STON2: variants seen among roughly 807,000 people sequenced by gnomAD.
The protein encoded by STON2 is stonin-2.
Under a neutral mutation model 65.7 loss-of-function variants are expected in STON2, and 29 were observed. That is an observed-to-expected ratio of 0.44 (90% CI 0.33 to 0.60). The LOEUF is 0.60. Among genes scored for constraint, STON2 ranks in the 20% least tolerant of loss-of-function variants. The pLI is 0.03. For missense variants in STON2, 1,054 were observed against 1,118.1 expected (o/e 0.94, Z 0.82); for synonymous variants, 404 against 414.2 (o/e 0.98, Z 0.30).
intron 2 of STON2, among the ~76,000 whole-genome samples, chr14:81,420,857 A>T (rs1021042598): frequency 1.3e-5 from 2 of 152,172 alleles, no homozygotes; most frequent in Non-Finnish European, 2.9e-5. Flanking sequence ...TTGCTATCAA[A>T]GGGTGTATGC....
At chr14:81,310,524 G>A (rs917011881) in intron 5 of STON2, among the ~76,000 whole-genome samples, 4 of 152,306 alleles carry the variant, frequency 2.6e-5, no homozygotes, top group Admixed American at 1.3e-4. Flanking sequence ...TAAGGTTTAC[G>A]TAAGACTGAG....
At chr14:81,403,118 A>G (rs1183489248), upstream of STON2, among the ~76,000 whole-genome samples, 1 of 152,208 alleles carries the variant, frequency 6.6e-6, no homozygotes, top group African/African-American at 2.4e-5. Flanking sequence ...ATTCCTGATG[A>G]ACTGAGTTAT....
intron 3 of STON2, among the ~76,000 whole-genome samples, chr14:81,381,859 A>G (rs1274328606): frequency 6.6e-6 from 1 of 152,172 alleles, no homozygotes; most frequent in Non-Finnish European, 1.5e-5. Flanking sequence ...GTTCACCAGG[A>G]TACACGTTAA....
intron 6 of STON2, among the ~76,000 whole-genome samples, chr14:81,272,501 G>A (rs943325710): frequency 1.3e-5 from 2 of 152,150 alleles, no homozygotes; most frequent in African/African-American, 2.4e-5. Context: ...GTCTGGCTAG[G>A]ACTTTTCAAT....
At chr14:81,393,379 G>A (rs946097218) in intron 3 of STON2, among the ~76,000 whole-genome samples, 3 of 152,124 alleles carry the variant, frequency 2.0e-5, no homozygotes, top group Non-Finnish European at 2.9e-5. Context: ...ACTGCCTCCT[G>A]GGTAATGAGG....
At chr14:81,388,407 C>T (rs1211766231) in intron 3 of STON2, among the ~76,000 whole-genome samples, 1 of 152,228 alleles carries the variant, frequency 6.6e-6, no homozygotes, top group Admixed American at 6.5e-5. Flanking sequence ...TTCCTACCAG[C>T]TGTTGCTCCT....
chr14:81,281,750 AAAT>A (rs1895131726), intron 5 of STON2, among the ~76,000 whole-genome samples: 1 of 152,262 alleles, frequency 6.6e-6, no homozygotes, highest in Non-Finnish European at 1.5e-5. Context: ...AAGTTAGTTT[AAAT>A]CACGCCAAGT....
chr14:81,428,600 G>A (rs1902094884), intron 1 of STON2, among the ~76,000 whole-genome samples: 1 of 152,150 alleles, frequency 6.6e-6, no homozygotes, highest in South Asian at 2.1e-4. Flanking sequence ...GCACACACCT[G>A]TAGTCCCAGC....
chr14:81,419,414 T>G (rs1255843145), intron 2 of STON2, among the ~76,000 whole-genome samples: 1 of 152,150 alleles, frequency 6.6e-6, no homozygotes, highest in East Asian at 1.9e-4. Flanking sequence ...ACATAAAAGT[T>G]TATATATATA....
intron 3 of STON2, among the ~76,000 whole-genome samples, chr14:81,381,269 ACTTTGGAGTAGAGAAATATTTT>A (rs529792642): frequency 2.2e-3 from 330 of 152,336 alleles, no homozygotes; most frequent in African/African-American, 7.7e-3. Flanking sequence ...TGCATTCATG[ACTTTGGAGTAGAGAAATATTTT>A]CTTTACCAAG....
intron 5 of STON2, among the ~76,000 whole-genome samples, chr14:81,321,811 G>A (rs1008081623): frequency 3.3e-5 from 5 of 152,044 alleles, no homozygotes; most frequent in Non-Finnish European, 7.4e-5. Context: ...AGGATTCTGG[G>A]AGCAACCAAC....
At chr14:81,335,004 A>AT (rs199804587) in intron 4 of STON2, among the ~76,000 whole-genome samples, 14 of 112,724 alleles carry the variant, frequency 1.2e-4, no homozygotes, top group South Asian at 1.1e-3. Flanking sequence ...CGCCTGGCTA[A>AT]TTTTTTTTTT....
At chr14:81,298,297 G>T (rs941782556) in intron 5 of STON2, among the ~76,000 whole-genome samples, 3 of 151,926 alleles carry the variant, frequency 2.0e-5, no homozygotes, top group Non-Finnish European at 2.9e-5. Flanking sequence ...AAGCACAGCA[G>T]CTGGAAATAA....
chr14:81,325,024 C>T (rs1896957815), intron 4 of STON2, among the ~76,000 whole-genome samples: 1 of 152,158 alleles, frequency 6.6e-6, no homozygotes, highest in Non-Finnish European at 1.5e-5. Flanking sequence ...GAACTTGGCT[C>T]ATGCTGGGCC....
chr14:81,299,850 T>A (rs1373141410), intron 5 of STON2, among the ~76,000 whole-genome samples: 2 of 151,568 alleles, frequency 1.3e-5, no homozygotes, highest in African/African-American at 4.8e-5. Flanking sequence ...TGTTCATGGA[T>A]TTGAAAACTC....
intron 5 of STON2, among the ~76,000 whole-genome samples, chr14:81,293,078 T>C (rs1895621601): frequency 6.6e-6 from 1 of 152,042 alleles, no homozygotes; most frequent in Admixed American, 6.5e-5. Context: ...TTGGAAATCT[T>C]AAATGGACTG....
intron 2 of STON2, among the ~76,000 whole-genome samples, chr14:81,416,079 G>A (rs570171976): frequency 6.6e-6 from 1 of 152,290 alleles, no homozygotes; most frequent in Non-Finnish European, 1.5e-5. Flanking sequence ...AGCTCTTCGG[G>A]CAGCAGGCCA....
chr14:81,301,762 G>A (rs895991862), intron 5 of STON2, among the ~76,000 whole-genome samples: 2 of 152,158 alleles, frequency 1.3e-5, no homozygotes, highest in African/African-American at 4.8e-5. Context: ...TACATGTAAA[G>A]AACTGAGCCC....
At chr14:81,432,728 T>C (rs1210770451) in intron 1 of STON2, among the ~76,000 whole-genome samples, 1 of 152,238 alleles carries the variant, frequency 6.6e-6, no homozygotes, top group Non-Finnish European at 1.5e-5. Context: ...CAAGCTTTTT[T>C]CATTTTCTCA....
Sources: allele counts gnomAD v4.1 joint callset (sites outside exome capture counted in the v4.1 genomes callset), GRCh38; gene constraint gnomAD v4.1.1; transcripts MANE v1.5; gene names NCBI Gene and HGNC (gene_info 2026-07-23, HGNC 2026-07-21).